Variants in TENM2 observed in about 807,000 individuals in gnomAD.
TENM2 encodes teneurin transmembrane protein 2, also known as teneurin-2.
In TENM2, 52 loss-of-function variants were observed where a neutral mutation model predicts 245.2. The ratio of observed to expected loss-of-function variants is 0.21; its 90% confidence interval spans 0.17 to 0.27. The LOEUF (loss-of-function observed/expected upper bound fraction) is 0.27. TENM2 is among the 10% of genes least tolerant of loss of function. TENM2 has a pLI of 1.00. For missense variants in TENM2, 3,046 were observed against 3,666.8 expected (o/e 0.83, Z 4.37); for synonymous variants, 1,363 against 1,438.9 (o/e 0.95, Z 1.19).
chr5:167,143,235 C>A, the TENM2 span, among the ~76,000 whole-genome samples: 1 of 152,146 alleles, frequency 6.6e-6, no homozygotes, highest in Non-Finnish European at 1.5e-5. Context: ...ACCATGAATA[C>A]GGGTAATTGA....
chr5:167,571,162 C>T (rs1278626798), intron 2 of TENM2, among the ~76,000 whole-genome samples: 1 of 152,152 alleles, frequency 6.6e-6, no homozygotes, highest in Non-Finnish European at 1.5e-5. Flanking sequence ...TTCACATTTA[C>T]TGATGCACTT....
chr5:167,810,805 G>A (rs539120091), intron 2 of TENM2, among the ~76,000 whole-genome samples: 1 of 152,166 alleles, frequency 6.6e-6, no homozygotes, highest in Admixed American at 6.5e-5. Flanking sequence ...TTGAAGAACT[G>A]GCTTCACTCT....
At chr5:167,973,447 A>C (rs1781950746) in intron 4 of TENM2, among the ~76,000 whole-genome samples, 1 of 152,218 alleles carries the variant, frequency 6.6e-6, no homozygotes, top group African/African-American at 2.4e-5. Context: ...ACAGAGAGTG[A>C]AAGATCGAAA....
At chr5:168,175,666 C>T (rs967430564) in intron 13 of TENM2, among the ~76,000 whole-genome samples, 4 of 152,174 alleles carry the variant, frequency 2.6e-5, no homozygotes, top group African/African-American at 9.7e-5. Flanking sequence ...TCTCTCAGAC[C>T]CTTTTTCTGA....
intron 2 of TENM2, among the ~76,000 whole-genome samples, chr5:167,616,323 G>A (rs1019200498): frequency 2.3e-4 from 35 of 152,126 alleles, no homozygotes; most frequent in African/African-American, 7.5e-4. Flanking sequence ...CAGACTGTGA[G>A]TAAATTTGAT....
chr5:167,486,352 A>G (rs1431044336), intron 2 of TENM2, among the ~76,000 whole-genome samples: 3 of 147,318 alleles, frequency 2.0e-5, no homozygotes, highest in Non-Finnish European at 3.0e-5. Flanking sequence ...CTTTTGAGAC[A>G]GAGTCTCACT....
At chr5:167,866,990 C>T (rs926490221) in intron 2 of TENM2, among the ~76,000 whole-genome samples, 1 of 152,220 alleles carries the variant, frequency 6.6e-6, no homozygotes, top group African/African-American at 2.4e-5. Context: ...ATAAGTTCTG[C>T]TGGACAGCGT....
At chr5:167,374,118 C>T (rs1180975828) in intron 1 of TENM2, among the ~76,000 whole-genome samples, 2 of 152,194 alleles carry the variant, frequency 1.3e-5, no homozygotes, top group Admixed American at 6.5e-5. Flanking sequence ...TGACACATTA[C>T]ATATACATAC....
Position 167,326,700 on chromosome 5 carries a change from TAA to T in TENM2, c.226+41639_226+41640del, listed in dbSNP as rs1288894103. 2.4e-3 allele frequency among the ~76,000 whole-genome samples: 256 copies of T among 108,568 alleles called. 2 individuals carry two copies. Among genetic ancestry groups the T allele is most frequent in the Admixed American group, 8.0e-3 (81 of 10,068 alleles). The allele number at this position is 108,568 out of a possible 152,430, so 71.2% of individuals were successfully genotyped here. On this transcript the variant is annotated intron_variant, in intron 1 of 28. Transcript: ENST00000518659. Reference sequence around the variant, plus strand: ...TAATAATAATAATTATAATAATAAATAAATATATATATATATATATATAAAAT... The same window carrying T: ...TAATAATAATAATTATAATAATAAATATATATATATATATATATATAAAAT...
chr5:167,543,996 A>T (rs905903406), intron 2 of TENM2, among the ~76,000 whole-genome samples: 5 of 152,204 alleles, frequency 3.3e-5, no homozygotes, highest in African/African-American at 9.7e-5. Context: ...TCCAAATAAG[A>T]TCACTTTCTG....
At chr5:167,692,058 T>C (rs1757468295) in intron 2 of TENM2, among the ~76,000 whole-genome samples, 1 of 152,132 alleles carries the variant, frequency 6.6e-6, no homozygotes, top group Admixed American at 6.5e-5. Flanking sequence ...CTTGATAGCC[T>C]TCTCTTTCTT....
chr5:167,440,096 A>T (rs1263841643), intron 2 of TENM2, among the ~76,000 whole-genome samples: 3 of 152,208 alleles, frequency 2.0e-5, no homozygotes, highest in Non-Finnish European at 4.4e-5. Flanking sequence ...TTTTATTTTT[A>T]AAATGGTCTA....
exon 7 of TENM2, chr5:168,062,113 C>T (rs752898554): frequency 7.4e-6 from 12 of 1,611,720 alleles, no homozygotes; most frequent in South Asian, 1.1e-5. Flanking sequence ...AGAAGTTGGT[C>T]GGCGGGTAAC....
chr5:167,934,746 C>T (rs1045665624), intron 3 of TENM2: 8 of 448,622 alleles, frequency 1.8e-5, no homozygotes, highest in Non-Finnish European at 2.4e-5. Context: ...CGAACCTTCC[C>T]GTCTTCCCAC....
chr5:167,151,096 C>T, the TENM2 span, among the ~76,000 whole-genome samples: 25 of 152,286 alleles, frequency 1.6e-4, no homozygotes, highest in African/African-American at 6.0e-4. Flanking sequence ...TATTAAACCT[C>T]TCCTCCAGTC....
the TENM2 span, among the ~76,000 whole-genome samples, chr5:167,241,737 T>C: frequency 1.3e-5 from 2 of 152,108 alleles, no homozygotes; most frequent in Non-Finnish European, 1.5e-5. Context: ...GCAGTTTTAG[T>C]GGAGCGATGG....
intron 2 of TENM2, among the ~76,000 whole-genome samples, chr5:167,686,710 G>C (rs1218234301): frequency 2.0e-5 from 3 of 152,260 alleles, no homozygotes; most frequent in Non-Finnish European, 4.4e-5. Flanking sequence ...AAACCAAAAA[G>C]GATGGGTAGA....
intron 1 of TENM2, among the ~76,000 whole-genome samples, chr5:167,358,652 A>G (rs561398135): frequency 2.3e-4 from 35 of 151,336 alleles, no homozygotes; most frequent in Non-Finnish European, 4.0e-4. Flanking sequence ...CAGTTCCACA[A>G]TGTTAAATAG....
At chr5:167,027,855 G>A in the TENM2 span, among the ~76,000 whole-genome samples, 2 of 151,968 alleles carry the variant, frequency 1.3e-5, no homozygotes, top group African/African-American at 4.8e-5. Flanking sequence ...GAGGCAGGTG[G>A]ATCATTTGAG....
Sources: allele counts gnomAD v4.1 joint callset (sites outside exome capture counted in the v4.1 genomes callset), GRCh38; gene constraint gnomAD v4.1.1; transcripts MANE v1.5; gene names NCBI Gene and HGNC (gene_info 2026-07-23, HGNC 2026-07-21).